The following DOCK7 variants were observed in gnomAD, a reference collection of about 807,000 sequenced individuals.
DOCK7 encodes dedicator of cytokinesis protein 7.
Under a neutral mutation model 271.0 loss-of-function variants are expected in DOCK7, and 138 were observed. The ratio of observed to expected loss-of-function variants is 0.51; its 90% CI spans 0.44 to 0.59. The LOEUF (loss-of-function observed/expected upper bound fraction) is 0.59. Among genes scored for constraint, DOCK7 ranks in the 20% least tolerant of loss-of-function variants. The pLI, the probability that DOCK7 is intolerant of heterozygous loss-of-function variation, is 0.00. For missense variants in DOCK7, 2,066 were observed against 2,592.4 expected (o/e 0.80, Z 4.41); for synonymous variants, 823 against 876.1 (o/e 0.94, Z 1.07).
intron 43 of DOCK7, chr1:62,483,560 G>A (rs1270260308): frequency 6.8e-6 from 1 of 147,916 alleles, no homozygotes; most frequent in African/African-American, 2.5e-5. Flanking sequence ...GCTCATGGAT[G>A]TTTTATACCT....
At position 62,492,852 on chromosome 1, in the gene DOCK7, G is replaced by T; in HGVS notation, c.5218-5C>A. 1 of 1,598,190 alleles carries T rather than the reference G, an allele frequency of 6.3e-7. No homozygotes were observed. Among genetic ancestry groups the T allele is most frequent in the South Asian group, 1.1e-5 (1 of 87,118 alleles). ...TAAAACATTAGATGAAATATTCTAG[G>T]GAAAAAATATATTGAAAAGGTTTTT... On this transcript the variant is annotated splice_polypyrimidine_tract_variant and splice_region_variant and intron_variant, in intron 40 of 49. Transcript: ENST00000635253.
chr1:62,524,131 C>T (rs1644930789), intron 31 of DOCK7, among the ~76,000 whole-genome samples: 1 of 152,126 alleles, frequency 6.6e-6, no homozygotes, highest in Non-Finnish European at 1.5e-5. Flanking sequence ...AAAGTGCACA[C>T]CGCACAAGTC....
intron 20 of DOCK7, among the ~76,000 whole-genome samples, chr1:62,557,060 CTTTTCTTTTTTT>C: frequency 1.1e-5 from 1 of 93,636 alleles, no homozygotes; most frequent in East Asian, 3.5e-4. Context: ...TTTTCTTTTT[CTTTTCTTTTTTT>C]TTTTTTTTTA....
chr1:62,648,378 AT>A, intron 5 of DOCK7, 36 bp downstream of exon 5: 1 of 1,444,846 alleles, frequency 6.9e-7, no homozygotes, highest in Non-Finnish European at 9.1e-7. Flanking sequence ...CTATTTTTAA[AT>A]AACTTCTTAT....
chr1:62,478,875 G>C (rs770300678), intron 43 of DOCK7: 11 of 152,144 alleles, frequency 7.2e-5, no homozygotes, highest in Non-Finnish European at 1.0e-4. Flanking sequence ...TTCATGTCAG[G>C]TACAAAGTAC....
intron 27 of DOCK7, 140 bp downstream of exon 27, chr1:62,539,405 A>G: frequency 1.5e-6 from 1 of 680,782 alleles, no homozygotes; most frequent in South Asian, 2.3e-5. Flanking sequence ...CCTTGCTAAT[A>G]AAAATATGTT....
intron 31 of DOCK7, among the ~76,000 whole-genome samples, chr1:62,517,301 C>CA (rs1263779174): frequency 2.0e-5 from 3 of 151,942 alleles, no homozygotes; most frequent in Non-Finnish European, 4.4e-5. Context: ...AACAAACAAA[C>CA]AAAAAAACAA....
chr1:62,485,425 G>A, intron 43 of DOCK7: 1 of 985,196 alleles, frequency 1.0e-6, no homozygotes. Flanking sequence ...ATAAAAAAAT[G>A]AAACATGTGA....
chr1:62,500,344 AT>A (rs898710128), intron 37 of DOCK7, among the ~76,000 whole-genome samples: 1 of 152,092 alleles, frequency 6.6e-6, no homozygotes, highest in African/African-American at 2.4e-5. Context: ...GGCAAAAGAA[AT>A]TTTTTTACTT....
At chr1:62,532,223 T>C (rs1645196183) in intron 29 of DOCK7, among the ~76,000 whole-genome samples, 2 of 151,834 alleles carry the variant, frequency 1.3e-5, no homozygotes, top group East Asian at 3.9e-4. Flanking sequence ...TTAGTAGAGA[T>C]GGGGTTTTAC....
intron 7 of DOCK7, among the ~76,000 whole-genome samples, chr1:62,640,283 G>T (rs568017088): frequency 8.9e-4 from 136 of 152,262 alleles, no homozygotes; most frequent in African/African-American, 3.2e-3. Flanking sequence ...GGAGGCCGAG[G>T]CAGGTGGATC....
At chr1:62,624,207 T>C (rs994559727) in intron 12 of DOCK7, among the ~76,000 whole-genome samples, 9 of 152,002 alleles carry the variant, frequency 5.9e-5, no homozygotes, top group Admixed American at 2.6e-4. Context: ...AGTATATACA[T>C]ATACACATGT....
intron 14 of DOCK7, among the ~76,000 whole-genome samples, chr1:62,618,365 G>A (rs892767045): frequency 2.6e-5 from 4 of 152,034 alleles, no homozygotes; most frequent in Admixed American, 2.6e-4. Flanking sequence ...TAAAGGCCCA[G>A]GAATCAAATC....
chr1:62,531,467 A>G (rs1005960351), intron 29 of DOCK7, among the ~76,000 whole-genome samples: 2 of 152,216 alleles, frequency 1.3e-5, no homozygotes, highest in South Asian at 2.1e-4. Flanking sequence ...TAATTCTTCA[A>G]TACTTCAAAT....
intron 1 of DOCK7, among the ~76,000 whole-genome samples, chr1:62,666,942 G>A (rs185957453): frequency 3.3e-5 from 5 of 152,242 alleles, no homozygotes; most frequent in Admixed American, 1.3e-4. Flanking sequence ...TACAAGCTAC[G>A]TATGTCAACA....
chr1:62,653,140 T>C (rs529238542), intron 4 of DOCK7, among the ~76,000 whole-genome samples: 164 of 152,350 alleles, frequency 1.1e-3, no homozygotes, highest in African/African-American at 3.6e-3. Flanking sequence ...TTCTCCATTA[T>C]GCAAATTAGC....
chr1:62,528,572 T>G (rs1213304144), intron 30 of DOCK7, among the ~76,000 whole-genome samples: 1 of 152,198 alleles, frequency 6.6e-6, no homozygotes, highest in Non-Finnish European at 1.5e-5. Context: ...ATTTTAGTGA[T>G]CAAAATACTT....
intron 14 of DOCK7, among the ~76,000 whole-genome samples, chr1:62,617,930 G>C (rs1430105926): frequency 6.6e-6 from 1 of 151,956 alleles, no homozygotes; most frequent in Non-Finnish European, 1.5e-5. Context: ...TAGGAAAGGA[G>C]AGAAATCATA....
chr1:62,680,735 G>C (rs1661027978), intron 1 of DOCK7, among the ~76,000 whole-genome samples: 1 of 151,726 alleles, frequency 6.6e-6, no homozygotes, highest in Non-Finnish European at 1.5e-5. Context: ...GATATGAACA[G>C]ACACTTCTCA....
Sources: gnomAD v4.1 joint callset for allele counts (sites outside exome capture counted in the v4.1 genomes callset) on GRCh38, gnomAD v4.1.1 for gene constraint, MANE v1.5 for transcripts, NCBI Gene and HGNC (gene_info 2026-07-23, HGNC 2026-07-21) for gene names.